NCKAP5: variants seen among roughly 807,000 people sequenced by gnomAD.
NCKAP5 encodes NCK associated protein 5, also known as nck-associated protein 5.
In NCKAP5, 92 loss-of-function variants were observed where a neutral mutation model predicts 167.0. The observed-to-expected ratio is 0.55, with a 90% CI of 0.47 to 0.66. The LOEUF (loss-of-function observed/expected upper bound fraction) is 0.66. NCKAP5 is among the 30% of genes least tolerant of loss of function. The pLI is 0.00. For synonymous variants in NCKAP5, 891 were observed against 877.4 expected (o/e 1.02, Z -0.27); for missense variants, 2,378 against 2,315.0 (o/e 1.03, Z -0.56).
At chr2:132,780,190 C>T (rs1012983936) in intron 15 of NCKAP5, among the ~76,000 whole-genome samples, 3 of 152,158 alleles carry the variant, frequency 2.0e-5, no homozygotes, top group African/African-American at 4.8e-5. Flanking sequence ...TTCGCTCTGT[C>T]GCCCAGGCTG....
the NCKAP5 span, among the ~76,000 whole-genome samples, chr2:133,668,822 C>T: frequency 6.6e-6 from 1 of 152,142 alleles, no homozygotes; most frequent in Non-Finnish European, 1.5e-5. Flanking sequence ...TCCTATCTTT[C>T]CTTTTTCTCA....
At position 132,787,486 on chromosome 2, in the gene NCKAP5, GA is replaced by G. The variant is rs1683685469; in HGVS notation, c.1093-1769del. Among the ~76,000 whole-genome samples the G allele has an allele frequency of 2.0e-5, 3 of 152,102 alleles. No homozygotes were observed. The South Asian group carries it at 6.2e-4, about 32-fold the overall frequency. Reference sequence around the variant, plus strand: ...CCCCACACGCTTATGTGCAGTGGTTGAAAAACATGTCAGAAACTTCCATTTG... The same window carrying G: ...CCCCACACGCTTATGTGCAGTGGTTGAAAACATGTCAGAAACTTCCATTTG... On this transcript the variant is annotated intron_variant, in intron 13 of 19. Transcript: ENST00000409261.
intron 2 of NCKAP5, among the ~76,000 whole-genome samples, chr2:133,522,687 T>A (rs1379762165): frequency 6.7e-6 from 1 of 149,342 alleles, no homozygotes. Context: ...TTTAGCAAAG[T>A]AATACTAGAC....
the NCKAP5 span, among the ~76,000 whole-genome samples, chr2:133,614,229 T>A: frequency 2.0e-5 from 3 of 152,170 alleles, no homozygotes; most frequent in Non-Finnish European, 4.4e-5. Flanking sequence ...TCAGCCCTGG[T>A]CACCGGCTGC....
intron 3 of NCKAP5, among the ~76,000 whole-genome samples, chr2:133,456,454 A>G (rs1409487368): frequency 6.6e-6 from 1 of 152,168 alleles, no homozygotes; most frequent in Non-Finnish European, 1.5e-5. Flanking sequence ...AAGCCATGTG[A>G]TAAGAATGGC....
At chr2:132,855,000 A>G (rs1202831132) in intron 11 of NCKAP5, among the ~76,000 whole-genome samples, 1 of 152,162 alleles carries the variant, frequency 6.6e-6, no homozygotes, top group Non-Finnish European at 1.5e-5. Context: ...GCAAGTCTAT[A>G]GAGGGTCTTG....
intron 8 of NCKAP5, among the ~76,000 whole-genome samples, chr2:132,913,667 G>T (rs1694632857): frequency 6.6e-6 from 1 of 151,972 alleles, no homozygotes; most frequent in South Asian, 2.1e-4. Context: ...TGGGTTCTGT[G>T]GCTTTGCTTC....
chr2:133,360,571 G>C (rs1461330536), intron 3 of NCKAP5, among the ~76,000 whole-genome samples: 1 of 152,146 alleles, frequency 6.6e-6, no homozygotes, highest in Non-Finnish European at 1.5e-5. Flanking sequence ...CGACTATCTG[G>C]TAAGTCTGGA....
intron 19 of NCKAP5, among the ~76,000 whole-genome samples, chr2:132,711,677 T>A (rs72844763): frequency 0.076 from 11,624 of 152,172 alleles, 507 homozygotes; most frequent in Middle Eastern, 0.12. Context: ...AAATATCCTA[T>A]TTTCCCCAGC....
At chr2:132,992,372 A>G (rs1450429378) in intron 7 of NCKAP5, among the ~76,000 whole-genome samples, 3 of 152,240 alleles carry the variant, frequency 2.0e-5, no homozygotes, top group African/African-American at 4.8e-5. Context: ...TCTACACCAC[A>G]GATGTGGCTA....
intron 3 of NCKAP5, among the ~76,000 whole-genome samples, chr2:133,415,224 C>T (rs749012489): frequency 6.6e-6 from 1 of 152,256 alleles, no homozygotes; most frequent in African/African-American, 2.4e-5. Context: ...CCTGGAAATT[C>T]CTTGCAAAAT....
In NCKAP5 at chr2:133,192,415, G is replaced by A. The variant is rs553873877; in HGVS notation, c.207+21301C>T. On this transcript the variant is annotated intron_variant, in intron 5 of 19. Coordinates refer to ENST00000409261, the MANE Select transcript of NCKAP5 (RefSeq NM_207363.3). ...TAAAAGGGAAAACCTGGGCATCATC[G>A]AAATGAAAACTTTTGTTCTGTGAAA... Among the ~76,000 whole-genome samples, 8 of 152,064 alleles carry A rather than the reference G, an allele frequency of 5.3e-5. No individual in the cohort carries two copies. In the East Asian group the frequency reaches 1.4e-3, roughly 26 times the overall value.
intron 6 of NCKAP5, among the ~76,000 whole-genome samples, chr2:133,071,607 A>G (rs1050097117): frequency 6.6e-6 from 1 of 152,370 alleles, no homozygotes; most frequent in Non-Finnish European, 1.5e-5. Context: ...GTAGTCCTAC[A>G]GATTTCTGAG....
chr2:133,253,399 T>G (rs903952320), intron 4 of NCKAP5, among the ~76,000 whole-genome samples: 3 of 152,230 alleles, frequency 2.0e-5, no homozygotes, highest in Non-Finnish European at 4.4e-5. Flanking sequence ...GAAGAGGCAG[T>G]ATATCCCACA....
At chr2:132,960,800 C>A (rs1376651944) in intron 8 of NCKAP5, among the ~76,000 whole-genome samples, 8 of 152,056 alleles carry the variant, frequency 5.3e-5, no homozygotes, top group African/African-American at 9.7e-5. Context: ...TTTCATTTTC[C>A]ACACCTTCTT....
chr2:133,203,228 A>G (rs1306273488), intron 5 of NCKAP5, among the ~76,000 whole-genome samples: 1 of 152,214 alleles, frequency 6.6e-6, no homozygotes, highest in East Asian at 1.9e-4. Context: ...GGATGAGTTC[A>G]TGTCCTTTGT....
intron 8 of NCKAP5, among the ~76,000 whole-genome samples, chr2:132,950,352 T>C (rs563020055): frequency 1.3e-5 from 2 of 152,322 alleles, no homozygotes; most frequent in South Asian, 4.1e-4. Flanking sequence ...AATGTTATAA[T>C]ATCATTATTA....
intron 3 of NCKAP5, among the ~76,000 whole-genome samples, chr2:133,507,023 G>A (rs1683070026): frequency 6.6e-6 from 1 of 150,778 alleles, no homozygotes; most frequent in South Asian, 2.1e-4. Context: ...ACCAAACTGG[G>A]CCCAGGAGAT....
At position 133,422,685 on chromosome 2, in the gene NCKAP5, C is replaced by T. The variant is rs75832521; in HGVS notation, c.69+94773G>A. Among the ~76,000 whole-genome samples the T allele has an allele frequency of 9.4e-3, 1,426 of 152,300 alleles. 25 individuals carry two copies. Among genetic ancestry groups the T allele is most frequent in the African/African-American group, 0.032 (1,349 of 41,582 alleles). The stretch of plus-strand genomic sequence containing the variant: ...ACTTTTCTAAGGCAACATTTCCTGA[C>T]ACTTAATGAAGTGTTGATGGCTCTT... On this transcript the variant is annotated intron_variant, in intron 3 of 19. Coordinates refer to ENST00000409261, the MANE Select transcript of NCKAP5 (RefSeq NM_207363.3).
Sources: gnomAD v4.1 joint callset for allele counts (sites outside exome capture counted in the v4.1 genomes callset) on GRCh38, gnomAD v4.1.1 for gene constraint, MANE v1.5 for transcripts, NCBI Gene and HGNC (gene_info 2026-07-23, HGNC 2026-07-21) for gene names.